DNM1: variants seen among roughly 807,000 people sequenced by gnomAD.
DNM1 encodes dynamin-1.
Under a neutral mutation model 104.6 loss-of-function variants are expected in DNM1, and 29 were observed. The ratio of observed to expected loss-of-function variants is 0.28; its 90% CI spans 0.21 to 0.38. DNM1 has a LOEUF of 0.38. Among genes scored for constraint, DNM1 ranks in the 10% least tolerant of loss-of-function variants. The pLI, the probability that DNM1 is intolerant of heterozygous loss-of-function variation, is 1.00. For missense variants in DNM1, 640 were observed against 1,189.4 expected (o/e 0.54, Z 6.79); for synonymous variants, 445 against 475.8 (o/e 0.94, Z 0.84).
At position 128,222,905 on chromosome 9, in the gene DNM1, G is replaced by T; in HGVS notation, c.1196+45G>T. 6.3e-7 allele frequency: 1 copy of T among 1,590,090 alleles called. No individual in the cohort carries two copies. The highest frequency in any genetic ancestry group is 8.6e-7 in the Non-Finnish European group (1 of 1,159,352). Reference sequence around the variant, plus strand: ...AGGGTGGCTGAACCCCAGAAGTAGGGGGTCTGGGACAGAGGCACAGGGAGT... The same window carrying T: ...AGGGTGGCTGAACCCCAGAAGTAGGTGGTCTGGGACAGAGGCACAGGGAGT... On this transcript the variant is annotated intron_variant, in intron 9 of 21. Transcript: ENST00000372923. This position sits in a 1 kb window ranked among gnomAD's most constrained non-coding sequence, Gnocchi z 7.8.
In DNM1 at chr9:128,218,827, T is replaced by G; in HGVS notation, c.385+96T>G. On this transcript the variant is annotated intron_variant, in intron 3 of 21. Transcript: ENST00000372923. This position sits in a 1 kb window ranked among gnomAD's most constrained non-coding sequence, Gnocchi z 4.8. ...CCTCCTGCAGACTCCGCCCCTAGAA[T>G]GACCCTGCCTCTGCATCATCCTATT... 2.8e-6 allele frequency: 4 copies of G among 1,438,200 alleles called. No homozygotes were observed. The highest frequency in any genetic ancestry group is 3.7e-6 in the Non-Finnish European group (4 of 1,080,636). 89.1% of individuals were successfully genotyped at this position (1,438,200 alleles called of 1,614,324 possible).
chr9:128,246,341 T>G, intron 15 of DNM1, 53 bp from the exon 16 acceptor site: 2 of 1,212,648 alleles, frequency 1.6e-6, no homozygotes, highest in Non-Finnish European at 2.5e-6. Flanking sequence ...GAGAGTGAGG[T>G]GTGGCAGAGA....
At chr9:128,251,027 TG>T in intron 21 of DNM1, 87 bp downstream of exon 21, 1 of 908,734 alleles carries the variant, frequency 1.1e-6, no homozygotes, top group Non-Finnish European at 1.7e-6. Context: ...GCATCGGACC[TG>T]GCCGCCAGAA....
chr9:128,216,502 C>T (rs1348747243), intron 1 of DNM1, among the ~76,000 whole-genome samples: 1 of 152,206 alleles, frequency 6.6e-6, no homozygotes, highest in Admixed American at 6.5e-5. Context: ...CAGTGGCAGA[C>T]AGAAAGAGGC....
At position 128,218,568 on chromosome 9, in the gene DNM1, C is replaced by A; in HGVS notation, c.236-14C>A. On this transcript the variant is annotated splice_polypyrimidine_tract_variant and intron_variant, in intron 2 of 21. Coordinates refer to ENST00000372923, the MANE Select transcript of DNM1 (RefSeq NM_004408.4). The surrounding 1 kb of genome is among the most constrained non-coding windows in gnomAD (Gnocchi z 4.8). ...TGATGCCTACTGCCCTTCCCCTGCCCGCTTCTGGAGCAGAATATGCCGAGT... is the reference window on the plus strand; with the variant it reads ...TGATGCCTACTGCCCTTCCCCTGCCAGCTTCTGGAGCAGAATATGCCGAGT... The A allele has an allele frequency of 6.2e-7, 1 of 1,603,040 alleles. No homozygotes were observed. Among genetic ancestry groups the A allele is most frequent in the Non-Finnish European group, 8.5e-7 (1 of 1,172,158 alleles).
chr9:128,239,708 C>A lies in DNM1; in HGVS notation c.1494-20C>A. 1 of 1,610,128 alleles carries A rather than the reference C, an allele frequency of 6.2e-7. No individual in the cohort carries two copies. The highest frequency in any genetic ancestry group is 8.5e-7 in the Non-Finnish European group (1 of 1,177,768). ...GGGCCTCTTGAGAAGTTCTGAGACT[C>A]CTCCCCTCCCTCCCATTAGTGCTCA... On this transcript the variant is annotated intron_variant, in intron 12 of 21. Transcript: ENST00000372923.
At chr9:128,239,818 G>A (rs1180586580) in intron 13 of DNM1, 39 bp downstream of exon 13, 2 of 1,599,482 alleles carry the variant, frequency 1.3e-6, no homozygotes, top group South Asian at 1.1e-5. Context: ...GGGATGGAGG[G>A]TGCCGGACGG....
intron 10 of DNM1, chr9:128,233,746 C>T (rs1162765645): frequency 7.6e-6 from 4 of 525,524 alleles, no homozygotes; most frequent in Non-Finnish European, 1.4e-5. Context: ...CGGGAACCAC[C>T]CCTCTGCCCT....
rs1265450787 is a variant in DNM1, at chr9:128,245,738, A to T, written c.1672-656A>T. On this transcript the variant is annotated intron_variant, in intron 15 of 21. Coordinates refer to ENST00000372923, the MANE Select transcript of DNM1 (RefSeq NM_004408.4). The surrounding 1 kb of genome is among the most constrained non-coding windows in gnomAD (Gnocchi z 5.2). ...ACACACATCCACAAAGTGTGCACAC[A>T]TCCACACTGAGATGCAGACACGCTG... 6.6e-6 allele frequency among the ~76,000 whole-genome samples: 1 copy of T among 152,230 alleles called. No homozygotes were observed. Among genetic ancestry groups the T allele is most frequent in the African/African-American group, 2.4e-5 (1 of 41,462 alleles).
chr9:128,203,644 C>T lies in DNM1; in HGVS notation c.161+13C>T. 1 of 1,507,454 alleles carries T rather than the reference C, an allele frequency of 6.6e-7. No individual in the cohort carries two copies. Among genetic ancestry groups the T allele is most frequent in the Non-Finnish European group, 8.8e-7 (1 of 1,135,602 alleles). 93.4% of individuals were successfully genotyped at this position (1,507,454 alleles called of 1,614,324 possible). A position where few individuals can be genotyped will look rare whatever the true frequency, so the allele number is the denominator to read the frequency against. ...ATTTCGTAGGCAGGTAGGCGCGGCG[C>T]GCCCCCAGGCGCCGACCCCCGACCC... On this transcript the variant is annotated intron_variant, in intron 1 of 21. Transcript: ENST00000372923. The surrounding 1 kb of genome is among the most constrained non-coding windows in gnomAD (Gnocchi z 5.3).
chr9:128,215,410 T>C (rs889899700), intron 1 of DNM1, among the ~76,000 whole-genome samples: 3 of 152,248 alleles, frequency 2.0e-5, no homozygotes, highest in Admixed American at 6.5e-5. Flanking sequence ...GGCATTCTGA[T>C]GCAGGCCGCG....
intron 10 of DNM1, chr9:128,231,921 C>T (rs1009279783): frequency 2.9e-5 from 13 of 441,570 alleles, no homozygotes; most frequent in Non-Finnish European, 4.5e-5. Flanking sequence ...ACTGCTAACC[C>T]GGTGGGCTCC....
intron 1 of DNM1, among the ~76,000 whole-genome samples, chr9:128,215,693 C>G (rs1370444690): frequency 6.6e-6 from 1 of 152,218 alleles, no homozygotes; most frequent in East Asian, 1.9e-4. Context: ...CTCAGGCTCA[C>G]CAGGGCTGCG....
At chr9:128,252,233 A>G (rs1323038310) in intron 21 of DNM1, 1 of 259,432 alleles carries the variant, frequency 3.9e-6, no homozygotes, top group African/African-American at 2.3e-5. Context: ...CTAACTGCCA[A>G]CGTGAGTTCA....
Position 128,210,972 on chromosome 9 carries a change from GA to G in DNM1, c.162-7248del, listed in dbSNP as rs35207950. On this transcript the variant is annotated intron_variant, in intron 1 of 21. Coordinates refer to ENST00000372923, the MANE Select transcript of DNM1 (RefSeq NM_004408.4). The stretch of plus-strand genomic sequence containing the variant: ...CAACTTAGAATTACTATAAGCAACA[GA>G]AAAAAAAAAAGTAATATTGAGCTTG... Among the ~76,000 whole-genome samples, 967 of 148,698 alleles carry G rather than the reference GA, an allele frequency of 6.5e-3. 11 individuals carry two copies. Among genetic ancestry groups the G allele is most frequent in the East Asian group, 0.059 (304 of 5,118 alleles).
intron 10 of DNM1, chr9:128,226,014 C>T (rs1326188796): frequency 6.2e-7 from 1 of 1,611,856 alleles, no homozygotes; most frequent in Admixed American, 1.7e-5. Flanking sequence ...CCTCCTGTCC[C>T]CACCTCCTCC....
chr9:128,239,982 C>T lies in DNM1; in HGVS notation c.1546-3C>T. On this transcript the variant is annotated splice_region_variant and splice_polypyrimidine_tract_variant and intron_variant, in intron 13 of 21. Transcript: ENST00000372923. ...CGTGGTTGCTATGGTTACCTCTTTG[C>T]AGGATGAGATTCTGGTGAGTACCAG... The T allele has an allele frequency of 6.2e-7, 1 of 1,614,128 alleles. No homozygotes were observed.
chr9:128,222,180 C>G lies in DNM1; in HGVS notation c.850-17C>G, dbSNP rs764505046. On this transcript the variant is annotated splice_polypyrimidine_tract_variant and intron_variant, in intron 6 of 21. Coordinates refer to ENST00000372923, the MANE Select transcript of DNM1 (RefSeq NM_004408.4). The surrounding 1 kb of genome is among the most constrained non-coding windows in gnomAD (Gnocchi z 7.8). ...GTGACCATCTGTCCTCAACCCTTTC[C>G]TCACCCTTACCCCCAGCAACTGACG... 1.2e-6 allele frequency: 2 copies of G among 1,605,360 alleles called. No homozygotes were observed. The highest frequency in any genetic ancestry group is 2.7e-5 in the African/African-American group (2 of 74,792).
chr9:128,252,424 C>A, intron 21 of DNM1: 1 of 400,004 alleles, frequency 2.5e-6, no homozygotes, highest in Non-Finnish European at 4.9e-6. Context: ...GACTTCAGTG[C>A]AGTCTGAGGC....
Sources: gnomAD v4.1 joint callset for allele counts (sites outside exome capture counted in the v4.1 genomes callset) on GRCh38, gnomAD v4.1.1 for gene constraint, Gnocchi (gnomAD v3.1) non-coding constraint, MANE v1.5 for transcripts, NCBI Gene and HGNC (gene_info 2026-07-23, HGNC 2026-07-21) for gene names.